The following GRIP1 variants were observed in gnomAD, a reference collection of about 807,000 sequenced individuals.
GRIP1 encodes the protein glutamate receptor-interacting protein 1.
Under a neutral mutation model 129.9 loss-of-function variants are expected in GRIP1, and 45 were observed. The ratio of observed to expected loss-of-function variants is 0.35; its 90% CI spans 0.27 to 0.44. The LOEUF (loss-of-function observed/expected upper bound fraction) is 0.44, where lower values mean the gene tolerates loss of function less well. GRIP1 is among the 20% of genes least tolerant of loss of function. The probability of loss-of-function intolerance (pLI) is 1.00; values close to 1 mark genes in which losing one functional copy is unlikely to be tolerated. For missense variants in GRIP1, 1,196 were observed against 1,396.8 expected, an observed-to-expected ratio of 0.86 and a Z score of 2.29; for synonymous variants, 530 against 520.8, an observed-to-expected ratio of 1.02 and a Z score of -0.24.
chr12:66,548,393 T>C (rs2062013691), intron 2 of GRIP1, among the ~76,000 whole-genome samples: 1 of 152,228 alleles, frequency 6.6e-6, no homozygotes, highest in African/African-American at 2.4e-5. Flanking sequence ...ACAGCTCTCT[T>C]GAAAGCCATT....
chr12:66,894,338 C>A lies in GRIP1; in HGVS notation c.58+174712G>T, dbSNP rs1033735168. Among the ~76,000 whole-genome samples, 6 of 152,158 alleles carry A rather than the reference C, an allele frequency of 3.9e-5. No homozygotes were observed. The East Asian group carries it at 9.6e-4, about 24-fold the overall frequency. ...TCAATTTACCCAACAGCGTCTACCC[C>A]CTACCAAGCCAGCATGTGTGTCTTG... On this transcript the variant is annotated intron_variant, in intron 1 of 1. Transcript: ENST00000643019.
chr12:66,362,142 C>CTTTTTTTT (rs10589880), intron 23 of GRIP1, among the ~76,000 whole-genome samples: 2 of 91,682 alleles, frequency 2.2e-5, no homozygotes, highest in African/African-American at 4.7e-5. Flanking sequence ...CCAATTTAAT[C>CTTTTTTTT]TTTTTTTTTT....
intron 1 of GRIP1, among the ~76,000 whole-genome samples, chr12:66,782,223 A>G (rs951214378): frequency 6.6e-6 from 1 of 152,184 alleles, no homozygotes; most frequent in Non-Finnish European, 1.5e-5. Flanking sequence ...AATCCTATAT[A>G]GAAATGAACA....
At chr12:66,382,317 C>G (rs776523125) in intron 19 of GRIP1, among the ~76,000 whole-genome samples, 3 of 151,980 alleles carry the variant, frequency 2.0e-5, no homozygotes, top group African/African-American at 7.3e-5. Context: ...CCCAGGAGTT[C>G]GAGACCAGTC....
chr12:66,780,913 C>G (rs943584873), intron 1 of GRIP1, among the ~76,000 whole-genome samples: 1 of 152,102 alleles, frequency 6.6e-6, no homozygotes, highest in Non-Finnish European at 1.5e-5. Context: ...GCTAGAATAC[C>G]TACAGTTGAG....
chr12:66,352,891 C>A (rs2054302999), intron 24 of GRIP1, among the ~76,000 whole-genome samples: 1 of 152,090 alleles, frequency 6.6e-6, no homozygotes, highest in African/African-American at 2.4e-5. Context: ...CTTGAACCTG[C>A]AAGGTGGCGG....
chr12:67,067,646 G>A (rs1358714043), intron 1 of GRIP1, among the ~76,000 whole-genome samples: 7 of 152,148 alleles, frequency 4.6e-5, no homozygotes, highest in Admixed American at 3.3e-4. Flanking sequence ...AATTCCCTGA[G>A]TCATTAAACA....
At chr12:66,921,038 T>C (rs2041204646) in intron 1 of GRIP1, among the ~76,000 whole-genome samples, 1 of 152,176 alleles carries the variant, frequency 6.6e-6, no homozygotes, top group East Asian at 1.9e-4. Context: ...TTAAAGTCAC[T>C]ACTGGGAAAT....
intron 1 of GRIP1, among the ~76,000 whole-genome samples, chr12:66,909,799 T>C (rs1383578791): frequency 6.6e-6 from 1 of 152,210 alleles, no homozygotes; most frequent in Non-Finnish European, 1.5e-5. Context: ...ATTTCTCTTC[T>C]AATATGTCTA....
chr12:66,591,993 C>A (rs1355231265), intron 2 of GRIP1, among the ~76,000 whole-genome samples: 1 of 152,024 alleles, frequency 6.6e-6, no homozygotes, highest in Non-Finnish European at 1.5e-5. Context: ...CATTTACACA[C>A]CTGAACAGTG....
chr12:66,966,966 G>A (rs1405746798), intron 1 of GRIP1, among the ~76,000 whole-genome samples: 1 of 152,080 alleles, frequency 6.6e-6, no homozygotes, highest in African/African-American at 2.4e-5. Flanking sequence ...TCAATTGTTT[G>A]GAATTCTGTA....
At chr12:66,810,316 G>C (rs946894343) in intron 1 of GRIP1, among the ~76,000 whole-genome samples, 1 of 152,134 alleles carries the variant, frequency 6.6e-6, no homozygotes. Flanking sequence ...CCAGCACTTT[G>C]GGAGGCCAAG....
chr12:66,465,511 G>T, intron 7 of GRIP1, 89 bp from the exon 8 acceptor site: 1 of 1,112,684 alleles, frequency 9.0e-7, no homozygotes, highest in Non-Finnish European at 1.3e-6. Flanking sequence ...TCAGTTTGGT[G>T]TTAGCCTGTT....
chr12:66,767,569 T>C (rs1018862298), intron 1 of GRIP1, among the ~76,000 whole-genome samples: 2 of 78,378 alleles, frequency 2.6e-5, no homozygotes, highest in Admixed American at 1.1e-4. Flanking sequence ...GCTGTCTCTG[T>C]ATTAAAAAAA....
At chr12:66,701,341 T>C in intron 1 of GRIP1, among the ~76,000 whole-genome samples, 1 of 152,200 alleles carries the variant, frequency 6.6e-6, no homozygotes, top group East Asian at 1.9e-4. Flanking sequence ...ACTACTTTAG[T>C]AGAATTACTT....
chr12:66,901,578 TGAA>T (rs1323662640), intron 1 of GRIP1, among the ~76,000 whole-genome samples: 6 of 152,254 alleles, frequency 3.9e-5, no homozygotes, highest in African/African-American at 1.4e-4. Flanking sequence ...ATTTTTATGA[TGAA>T]GAATAAAAGC....
intron 11 of GRIP1, among the ~76,000 whole-genome samples, chr12:66,447,318 C>T (rs933455921): frequency 5.3e-5 from 8 of 152,236 alleles, no homozygotes; most frequent in Non-Finnish European, 8.8e-5. Context: ...GTCAACTCCA[C>T]TGTTGTTACT....
chr12:66,469,934 C>T (rs898233760), intron 7 of GRIP1, among the ~76,000 whole-genome samples: 19 of 152,186 alleles, frequency 1.2e-4, no homozygotes, highest in African/African-American at 3.6e-4. Context: ...GATGGGTTCA[C>T]GCTGCCCTCC....
intron 1 of GRIP1, among the ~76,000 whole-genome samples, chr12:67,028,010 T>C (rs1222755034): frequency 6.6e-6 from 1 of 152,158 alleles, no homozygotes; most frequent in Non-Finnish European, 1.5e-5. Flanking sequence ...GTAGGTAACA[T>C]ACATACTCAC....
Sources: allele counts gnomAD v4.1 joint callset (sites outside exome capture counted in the v4.1 genomes callset), GRCh38; gene constraint gnomAD v4.1.1; transcripts MANE v1.5; gene names NCBI Gene and HGNC (gene_info 2026-07-23, HGNC 2026-07-21).